The following B3GLCT variants were observed in gnomAD, a reference collection of about 807,000 sequenced individuals.
B3GLCT encodes beta 3-glucosyltransferase.
A neutral mutation model predicts 63.4 loss-of-function variants in B3GLCT; 65 were observed. That is an observed-to-expected ratio of 1.03 (90% CI 0.84 to 1.26). B3GLCT has a LOEUF of 1.26. Among genes scored for constraint, B3GLCT ranks in the 50% most tolerant of loss-of-function variants. The pLI is 0.00. For missense variants in B3GLCT, 577 were observed against 604.8 expected (o/e 0.95, Z 0.48); for synonymous variants, 233 against 219.2 (o/e 1.06, Z -0.55).
chr13:31,216,373 T>A lies in B3GLCT; in HGVS notation c.120+1273T>A, dbSNP rs145043030. ...GGGAAGTTATGTGATTTGACCAAGG[T>A]CACATGATTTTTTTTTCTTTTCAAC... On this transcript the variant is annotated intron_variant, in intron 2 of 14. Coordinates refer to ENST00000343307, the MANE Select transcript of B3GLCT (RefSeq NM_194318.4). 2.0e-5 allele frequency among the ~76,000 whole-genome samples: 3 copies of A among 152,354 alleles called. No homozygotes were observed. The East Asian group carries it at 5.8e-4, about 29-fold the overall frequency.
At chr13:31,246,270 A>G (rs1871191370) in intron 4 of B3GLCT, among the ~76,000 whole-genome samples, 1 of 152,202 alleles carries the variant, frequency 6.6e-6, no homozygotes, top group African/African-American at 2.4e-5. Context: ...TGGCTTTTGT[A>G]ACAACTTGAA....
intron 3 of B3GLCT, among the ~76,000 whole-genome samples, chr13:31,226,147 G>C (rs116569044): frequency 6.6e-6 from 1 of 152,080 alleles, no homozygotes; most frequent in African/African-American, 2.4e-5. Context: ...CCTTGCACTC[G>C]CCCCCGATTG....
At chr13:31,313,918 C>G (rs535959565) in intron 12 of B3GLCT, among the ~76,000 whole-genome samples, 2 of 152,130 alleles carry the variant, frequency 1.3e-5, no homozygotes, top group African/African-American at 4.8e-5. Context: ...AGTCTGGGGA[C>G]TTGGTGCTGT....
chr13:31,313,801 A>G (rs1225684791), intron 12 of B3GLCT, among the ~76,000 whole-genome samples: 3 of 152,198 alleles, frequency 2.0e-5, no homozygotes, highest in Non-Finnish European at 4.4e-5. Flanking sequence ...AGACCTTCGC[A>G]GCAGCTCCTT....
intron 9 of B3GLCT, among the ~76,000 whole-genome samples, chr13:31,275,394 C>T (rs877103): frequency 0.67 from 102,355 of 152,074 alleles, 36,191 homozygotes; most frequent in Middle Eastern, 0.79. Context: ...CCCACCATAG[C>T]GCTTTAGGGT....
intron 12 of B3GLCT, among the ~76,000 whole-genome samples, chr13:31,300,307 C>T (rs1995969): frequency 0.71 from 108,472 of 152,052 alleles, 39,457 homozygotes; most frequent in Middle Eastern, 0.8. Context: ...GCCTCCCTTA[C>T]TAAAGTGTTC....
At chr13:31,287,850 G>A (rs189854731) in intron 12 of B3GLCT, among the ~76,000 whole-genome samples, 1 of 152,246 alleles carries the variant, frequency 6.6e-6, no homozygotes, top group African/African-American at 2.4e-5. Flanking sequence ...CTACATTCTT[G>A]ATTGAGGTGA....
In B3GLCT at chr13:31,269,275, G is replaced by A; in HGVS notation, c.658G>A (p.Glu220Lys). The A allele has an allele frequency of 1.3e-6, 2 of 1,595,708 alleles. No individual in the cohort carries two copies. Among genetic ancestry groups the A allele is most frequent in the Non-Finnish European group, 1.7e-6 (2 of 1,163,878 alleles). The part of the protein sequence containing the change: ...KSDFTIDLKH[E>K]IALYIWDKGG... ...CGACTTTACAATAGATTTAAAACAT[G>A]AGGTATGTCATGTTTTGTTTGATTA... Residue 220 changes from glutamate (E) to lysine (K), a missense_variant and splice_region_variant, in exon 8 of 15, where the codon GAG (glutamate) becomes AAG (lysine). Transcript: ENST00000343307.
chr13:31,317,063 C>T (rs1457190552), intron 12 of B3GLCT, among the ~76,000 whole-genome samples: 2 of 152,218 alleles, frequency 1.3e-5, no homozygotes, highest in African/African-American at 2.4e-5. Context: ...AGCCTCACTG[C>T]CCAAATTCTC....
chr13:31,300,990 T>G (rs1207818278), intron 12 of B3GLCT, among the ~76,000 whole-genome samples: 2 of 152,208 alleles, frequency 1.3e-5, no homozygotes, highest in Non-Finnish European at 2.9e-5. Flanking sequence ...CCTGCCATGA[T>G]TAGCTTGACC....
intron 12 of B3GLCT, among the ~76,000 whole-genome samples, chr13:31,299,046 T>G (rs1246625087): frequency 1.3e-5 from 2 of 152,126 alleles, no homozygotes; most frequent in Non-Finnish European, 2.9e-5. Context: ...GAAAAAATGA[T>G]CATTATTCCA....
rs569540121 is a variant in B3GLCT at position 31,215,042 on chromosome 13, T to C, written c.71-9T>C. On this transcript the variant is annotated splice_polypyrimidine_tract_variant and intron_variant, in intron 1 of 14. Coordinates refer to ENST00000343307, the MANE Select transcript of B3GLCT (RefSeq NM_194318.4). Reference sequence around the variant, plus strand: ...AAGGTAGAAATATTTCTTTTTTTTTTTTTTCCAGCTTTTGGTTTGGCTTCT... The same window carrying C: ...AAGGTAGAAATATTTCTTTTTTTTTCTTTTCCAGCTTTTGGTTTGGCTTCT... 1.2e-4 allele frequency: 185 copies of C among 1,607,104 alleles called. No individual in the cohort carries two copies. The East Asian group carries it at 3.8e-3, about 33-fold the overall frequency.
chr13:31,291,024 A>G (rs1873629163), intron 12 of B3GLCT, among the ~76,000 whole-genome samples: 2 of 152,134 alleles, frequency 1.3e-5, no homozygotes, highest in African/African-American at 4.8e-5. Flanking sequence ...ATCCATTTTA[A>G]TTTTTGTATA....
chr13:31,309,264 T>C (rs142311696), intron 12 of B3GLCT, among the ~76,000 whole-genome samples: 1 of 152,344 alleles, frequency 6.6e-6, no homozygotes, highest in African/African-American at 2.4e-5. Flanking sequence ...TCAGAACATT[T>C]TTTTCTGTGT....
chr13:31,286,478 C>T (rs1873335659), intron 11 of B3GLCT, among the ~76,000 whole-genome samples: 2 of 152,132 alleles, frequency 1.3e-5, no homozygotes, highest in South Asian at 4.1e-4. Context: ...TTCCACTCAT[C>T]TCTCTAGGTC....
intron 12 of B3GLCT, among the ~76,000 whole-genome samples, chr13:31,300,694 A>G (rs1449855555): frequency 2.6e-5 from 4 of 152,200 alleles, no homozygotes; most frequent in Admixed American, 2.0e-4. Flanking sequence ...GTTGGTTACC[A>G]GAAGGCAAAA....
chr13:31,218,159 C>G (rs1325587699), intron 2 of B3GLCT, among the ~76,000 whole-genome samples: 1 of 147,906 alleles, frequency 6.8e-6, no homozygotes, highest in Non-Finnish European at 1.5e-5. Context: ...TAGCTGTATT[C>G]CTAGGTGTTT....
In B3GLCT at chr13:31,284,624, T is replaced by A. The variant is rs375716301; in HGVS notation, c.851-24T>A. ...CTTCCTTGTGTAACTGTGCCAGTGATTGTCACCTCTGTAATTTTTTCAGTA... is the reference window on the plus strand; with the variant it reads ...CTTCCTTGTGTAACTGTGCCAGTGAATGTCACCTCTGTAATTTTTTCAGTA... On this transcript the variant is annotated intron_variant, in intron 10 of 14. Coordinates refer to ENST00000343307, the MANE Select transcript of B3GLCT (RefSeq NM_194318.4). 3 of 1,299,744 alleles carry A rather than the reference T, an allele frequency of 2.3e-6. No individual in the cohort carries two copies. The African/African-American group carries it at 4.4e-5, about 19-fold the overall frequency. The allele number at this position is 1,299,744 out of a possible 1,614,324, so 80.5% of individuals were successfully genotyped here.
intron 7 of B3GLCT, among the ~76,000 whole-genome samples, chr13:31,261,726 CT>C (rs1391559208): frequency 6.6e-6 from 1 of 152,116 alleles, no homozygotes; most frequent in Non-Finnish European, 1.5e-5. Flanking sequence ...GCACTTGTGG[CT>C]TTTATATCTT....
Sources: gnomAD v4.1 joint callset for allele counts (sites outside exome capture counted in the v4.1 genomes callset) on GRCh38, gnomAD v4.1.1 for gene constraint, MANE v1.5 for transcripts, NCBI Gene and HGNC (gene_info 2026-07-23, HGNC 2026-07-21) for gene names.